ADAMTS17: variants seen among roughly 807,000 people sequenced by gnomAD.
The protein encoded by ADAMTS17 is A disintegrin and metalloproteinase with thrombospondin motifs 17.
In ADAMTS17, 113 loss-of-function variants were observed where a neutral mutation model predicts 141.5. The ratio of observed to expected loss-of-function variants is 0.80; its 90% CI spans 0.69 to 0.93. The LOEUF (loss-of-function observed/expected upper bound fraction) is 0.93, where lower values mean the gene tolerates loss of function less well. Ranked by LOEUF, ADAMTS17 falls within the 40% of genes least tolerant of loss-of-function variation. ADAMTS17 has a pLI of 0.00. For synonymous variants in ADAMTS17, 768 were observed against 630.6 expected (o/e 1.22, Z -3.27); for missense variants, 1,659 against 1,517.9 (o/e 1.09, Z -1.54).
intron 18 of ADAMTS17, among the ~76,000 whole-genome samples, chr15:100,026,237 A>T (rs1485602631): frequency 1.3e-5 from 2 of 152,244 alleles, no homozygotes; most frequent in Non-Finnish European, 2.9e-5. Flanking sequence ...GTTTATTTTC[A>T]TCATTGTGTC....
chr15:100,189,431 C>A (rs1444457013), intron 8 of ADAMTS17, among the ~76,000 whole-genome samples: 1 of 152,206 alleles, frequency 6.6e-6, no homozygotes, highest in East Asian at 1.9e-4. Context: ...CAGTTTCTGA[C>A]ATCCCTGGGT....
chr15:100,096,321 CTG>C lies in ADAMTS17; in HGVS notation c.2137+33_2137+34del, dbSNP rs767986469. The C allele has an allele frequency of 1.9e-6, 3 of 1,611,182 alleles. No individual in the cohort carries two copies. In the African/African-American group the frequency reaches 4.0e-5, roughly 22 times the overall value. On this transcript the variant is annotated intron_variant, in intron 15 of 21. Transcript: ENST00000268070. Reference sequence around the variant, plus strand: ...AGCTGTAGGCAAAGGACACAAAACACTGTAGCCACAGCAGCCCCATGGGCCAA... The same window carrying C: ...AGCTGTAGGCAAAGGACACAAAACACTAGCCACAGCAGCCCCATGGGCCAA...
chr15:100,297,171 C>T (rs2044853011), intron 3 of ADAMTS17, among the ~76,000 whole-genome samples: 1 of 152,082 alleles, frequency 6.6e-6, no homozygotes, highest in Non-Finnish European at 1.5e-5. Context: ...AGCATATACA[C>T]AGGGCCCAGG....
chr15:100,331,181 G>T, intron 2 of ADAMTS17, 127 bp from the exon 3 acceptor site: 1 of 1,218,892 alleles, frequency 8.2e-7, no homozygotes, highest in Non-Finnish European at 1.2e-6. Context: ...TCGTTTCTTT[G>T]CAGATTGGTC....
intron 18 of ADAMTS17, among the ~76,000 whole-genome samples, chr15:100,027,090 G>A (rs1030810845): frequency 2.0e-5 from 3 of 152,136 alleles, no homozygotes; most frequent in African/African-American, 4.8e-5. Context: ...AACAACAGTC[G>A]GGAGGTGCAG....
chr15:100,085,717 C>T (rs1017972968), intron 15 of ADAMTS17, among the ~76,000 whole-genome samples: 1 of 150,028 alleles, frequency 6.7e-6, no homozygotes, highest in Non-Finnish European at 1.5e-5. Flanking sequence ...AAAGAATTTT[C>T]AAGCCAGAAT....
chr15:100,072,188 C>A (rs1203299042), intron 15 of ADAMTS17, among the ~76,000 whole-genome samples: 1 of 148,820 alleles, frequency 6.7e-6, no homozygotes, highest in African/African-American at 2.5e-5. Context: ...ACCTAGGAAT[C>A]CAACTTACAA....
intron 10 of ADAMTS17, among the ~76,000 whole-genome samples, chr15:100,145,877 G>A (rs8033656): frequency 2.0e-5 from 3 of 152,190 alleles, no homozygotes; most frequent in South Asian, 2.1e-4. Context: ...CTGCCTTTAT[G>A]TAAGATTATT....
intron 19 of ADAMTS17, among the ~76,000 whole-genome samples, chr15:99,996,198 G>A (rs965278264): frequency 3.3e-5 from 5 of 152,064 alleles, no homozygotes; most frequent in African/African-American, 1.2e-4. Flanking sequence ...GGGATTACAG[G>A]CATGCGCCAC....
chr15:100,099,800 C>T (rs946061381), intron 14 of ADAMTS17, among the ~76,000 whole-genome samples: 1 of 152,130 alleles, frequency 6.6e-6, no homozygotes, highest in African/African-American at 2.4e-5. Context: ...CTTCATTGGT[C>T]AAGACAGCTC....
At chr15:99,988,201 G>T (rs944385433) in intron 20 of ADAMTS17, among the ~76,000 whole-genome samples, 1 of 152,046 alleles carries the variant, frequency 6.6e-6, no homozygotes, top group Non-Finnish European at 1.5e-5. Context: ...CCCAACGTTG[G>T]AGGTGGGGCC....
chr15:100,025,997 A>G (rs2727118), intron 18 of ADAMTS17, among the ~76,000 whole-genome samples: 6,815 of 152,292 alleles, frequency 0.045, 322 homozygotes, highest in African/African-American at 0.12. Flanking sequence ...ATTTTCACAA[A>G]GCAAGGCTTG....
intron 14 of ADAMTS17, among the ~76,000 whole-genome samples, chr15:100,098,736 G>C (rs1389218488): frequency 6.6e-6 from 1 of 152,158 alleles, no homozygotes; most frequent in Admixed American, 6.5e-5. Flanking sequence ...GCAGTGTTTA[G>C]CAAACGCCGA....
chr15:100,013,666 A>G (rs572191527), intron 18 of ADAMTS17, among the ~76,000 whole-genome samples: 6 of 152,268 alleles, frequency 3.9e-5, no homozygotes, highest in Non-Finnish European at 8.8e-5. Flanking sequence ...TTTAAATTCT[A>G]TTTATGTGGT....
intron 20 of ADAMTS17, among the ~76,000 whole-genome samples, chr15:99,990,438 CTG>C (rs2060668109): frequency 1.3e-5 from 2 of 151,964 alleles, no homozygotes; most frequent in Admixed American, 6.5e-5. Flanking sequence ...ATCCAAGTAA[CTG>C]TGTGACGTCC....
intron 13 of ADAMTS17, among the ~76,000 whole-genome samples, chr15:100,109,799 C>T (rs902099018): frequency 1.1e-4 from 17 of 152,116 alleles, no homozygotes; most frequent in Non-Finnish European, 2.2e-4. Flanking sequence ...GCCCGGTGTG[C>T]GCTCTCTGCC....
intron 17 of ADAMTS17, among the ~76,000 whole-genome samples, chr15:100,051,203 C>A (rs554650462): frequency 6.6e-6 from 1 of 152,072 alleles, no homozygotes; most frequent in African/African-American, 2.4e-5. Flanking sequence ...AATTTGGGAG[C>A]GGGCAGAGAC....
In ADAMTS17 at chr15:99,999,780, C is replaced by T. The variant is rs138965860; in HGVS notation, c.2592-2191G>A. On this transcript the variant is annotated intron_variant, in intron 18 of 21. Transcript: ENST00000268070. ...GAGGCTCCTACGGCAGTCCCAGTGA[C>T]GACGGCACTGGTCTGAACCAACTGG... Among the ~76,000 whole-genome samples the T allele has an allele frequency of 3.5e-3, 540 of 152,214 alleles. 2 individuals carry two copies. Among genetic ancestry groups the T allele is most frequent in the African/African-American group, 0.012 (489 of 41,542 alleles).
At chr15:100,162,887 T>C (rs1285361101) in intron 8 of ADAMTS17, among the ~76,000 whole-genome samples, 1 of 146,798 alleles carries the variant, frequency 6.8e-6, no homozygotes, top group Non-Finnish European at 1.5e-5. Flanking sequence ...TGTATATATA[T>C]GTGTATATAG....
Sources: gnomAD v4.1 joint callset for allele counts (sites outside exome capture counted in the v4.1 genomes callset) on GRCh38, gnomAD v4.1.1 for gene constraint, MANE v1.5 for transcripts, NCBI Gene and HGNC (gene_info 2026-07-23, HGNC 2026-07-21) for gene names.